The following TMC6 variants were observed in gnomAD, a reference collection of about 807,000 sequenced individuals.
TMC6 encodes the protein transmembrane channel-like protein 6.
TMC6 carries 71 observed loss-of-function variants against 95.4 expected under a neutral mutation model. That is an observed-to-expected ratio of 0.74 (90% CI 0.61 to 0.91). TMC6 has a LOEUF of 0.91. TMC6 is among the 40% of genes least tolerant of loss of function. TMC6 has a pLI of 0.00. For missense variants in TMC6, 1,074 were observed against 1,079.1 expected (o/e 1.00, Z 0.07); for synonymous variants, 514 against 483.1 (o/e 1.06, Z -0.84).
intron 19 of TMC6, 67 bp from the exon 20 acceptor site, chr17:78,113,278 C>T: frequency 6.7e-7 from 1 of 1,501,922 alleles, no homozygotes; most frequent in East Asian, 2.5e-5. Flanking sequence ...TGGCTGGGCG[C>T]AGCCAAGGCC....
At chr17:78,127,015 T>G (rs1395682139) in intron 1 of TMC6, 109 bp from the exon 2 acceptor site, 4 of 693,404 alleles carry the variant, frequency 5.8e-6, no homozygotes, top group Non-Finnish European at 1.0e-5. Flanking sequence ...GCCCAGACAG[T>G]CCCGCCCACC....
chr17:78,119,816 TA>T, intron 13 of TMC6: 1 of 370,662 alleles, frequency 2.7e-6, no homozygotes, highest in South Asian at 2.2e-5. Flanking sequence ...TATTTATTTT[TA>T]TTTTTATTTC....
At chr17:78,119,177 C>G in intron 14 of TMC6, 120 bp downstream of exon 14, 1 of 1,512,568 alleles carries the variant, frequency 6.6e-7, no homozygotes, top group Non-Finnish European at 9.2e-7. Flanking sequence ...GTCTGCATCA[C>G]TCCAGGGTCC....
rs2073780865 is a variant in TMC6, at chr17:78,109,474, T to G, written c.*3674A>C. On this transcript the variant is annotated 3_prime_UTR_variant, in exon 20 of 20. Coordinates refer to ENST00000590602, the MANE Select transcript of TMC6 (RefSeq NM_001127198.5). ...AGGACTGGCCCCTGAACAGCACAAGTGTAGTATGCCTGGGCCCCAGGTCAT... is the reference window on the plus strand; with the variant it reads ...AGGACTGGCCCCTGAACAGCACAAGGGTAGTATGCCTGGGCCCCAGGTCAT... 1 of 456,114 alleles carries G rather than the reference T, an allele frequency of 2.2e-6. No homozygotes were observed. Among genetic ancestry groups the G allele is most frequent in the African/African-American group, 2.0e-5 (1 of 49,878 alleles). 28.3% of individuals were successfully genotyped at this position (456,114 alleles called of 1,614,324 possible). A position where few individuals can be genotyped will look rare whatever the true frequency, so the allele number is the denominator to read the frequency against.
At position 78,117,268 on chromosome 17, in the gene TMC6, C is replaced by A; in HGVS notation, c.2277+1G>T. 6.2e-7 allele frequency: 1 copy of A among 1,613,460 alleles called. No individual in the cohort carries two copies. Among genetic ancestry groups the A allele is most frequent in the Non-Finnish European group, 8.5e-7 (1 of 1,179,970 alleles). ...GAGAGCAGCCCAGGAGGGGCACTCA[C>A]ATTGCTGATCTGCTCCTTGAGCAGG... On this transcript the variant is annotated splice_donor_variant, in intron 18 of 19. Transcript: ENST00000590602. LOFTEE classifies it high-confidence loss of function.
Position 78,109,408 on chromosome 17 carries a change from A to G in TMC6, c.*3740T>C, listed in dbSNP as rs1348144732. On this transcript the variant is annotated 3_prime_UTR_variant, in exon 20 of 20. Coordinates refer to ENST00000590602, the MANE Select transcript of TMC6 (RefSeq NM_001127198.5). Reference sequence around the variant, plus strand: ...ACAAAGCTGCTTAGCTCTGCATATCAGTGCTTCTCGGCGGAGCTGTGGCTG... The same window carrying G: ...ACAAAGCTGCTTAGCTCTGCATATCGGTGCTTCTCGGCGGAGCTGTGGCTG... The G allele has an allele frequency of 2.4e-5, 11 of 455,958 alleles. No individual in the cohort carries two copies. The highest frequency in any genetic ancestry group is 4.0e-5 in the Non-Finnish European group (9 of 226,742). The allele number at this position is 455,958 out of a possible 1,614,324, so 28.2% of individuals were successfully genotyped here. A position where few individuals can be genotyped will look rare whatever the true frequency, so the allele number is the denominator to read the frequency against.
At position 78,108,916 on chromosome 17, in the gene TMC6, C is replaced by A. The variant is rs2073765086; in HGVS notation, c.*4232G>T. ...AGTGCAGTGATGTAATCTCGGCTCA[C>A]TGCAACCTTGACCTCAAGGTTAAGC... is the stretch of plus-strand genomic sequence containing the variant. On this transcript the variant is annotated 3_prime_UTR_variant, in exon 20 of 20. Transcript: ENST00000590602. 6.4e-6 allele frequency: 1 copy of A among 156,078 alleles called. No individual in the cohort carries two copies. The highest frequency in any genetic ancestry group is 1.4e-5 in the Non-Finnish European group (1 of 70,136). The allele number at this position is 156,078 out of a possible 1,614,324, so 9.7% of individuals were successfully genotyped here. A position where few individuals can be genotyped will look rare whatever the true frequency, so the allele number is the denominator to read the frequency against.
chr17:78,120,771 C>A lies in TMC6; in HGVS notation c.1597G>T (p.Val533Leu). Reference protein sequence around the residue: ...TLCYHWLGRRVGVLQGQCWED... With the variant: ...TLCYHWLGRRLGVLQGQCWED... ...CAGCACTGGCCCTGCAGGACGCCCACCCTGCGGCCCAGCCAGTGGTAGCAC... is the reference window on the plus strand; with the variant it reads ...CAGCACTGGCCCTGCAGGACGCCCAACCTGCGGCCCAGCCAGTGGTAGCAC... The change falls in exon 13 of 20, where the codon GTG becomes TTG. Residue 533 changes from valine (V) to leucine (L), a missense_variant. Physicochemically the swap from Val to Leu is conservative, Grantham distance 32. Coordinates refer to ENST00000590602, the MANE Select transcript of TMC6 (RefSeq NM_001127198.5). 1 of 1,613,390 alleles carries A rather than the reference C, an allele frequency of 6.2e-7. No individual in the cohort carries two copies. Among genetic ancestry groups the A allele is most frequent in the African/African-American group, 1.3e-5 (1 of 75,050 alleles).
chr17:78,126,235 C>G (rs1373393845), intron 4 of TMC6, 42 bp downstream of exon 4: 1 of 1,539,178 alleles, frequency 6.5e-7, no homozygotes, highest in East Asian at 2.4e-5. Flanking sequence ...CTGGGGTCAA[C>G]TCGGGGCCGG....
intron 1 of TMC6, among the ~76,000 whole-genome samples, chr17:78,127,400 G>A (rs2074774227): frequency 6.6e-6 from 1 of 152,112 alleles, no homozygotes. Context: ...AAGCAGCACA[G>A]GGGGCTCCTC....
intron 15 of TMC6, 69 bp downstream of exon 15, chr17:78,118,902 C>G (rs556586979): frequency 9.9e-6 from 15 of 1,508,194 alleles, no homozygotes; most frequent in Middle Eastern, 2.1e-4. Flanking sequence ...AGGCTCTGCC[C>G]AGCTGAGTCC....
chr17:78,128,456 G>A lies in TMC6; in HGVS notation c.-75+156C>T, dbSNP rs1417036260. 6.6e-6 allele frequency among the ~76,000 whole-genome samples: 1 copy of A among 152,158 alleles called. No homozygotes were observed. Among genetic ancestry groups the A allele is most frequent in the African/African-American group, 2.4e-5 (1 of 41,430 alleles). On this transcript the variant is annotated intron_variant, in intron 1 of 19. Transcript: ENST00000590602. The surrounding 1 kb of genome is among the most constrained non-coding windows in gnomAD (Gnocchi z 4.0). Reference sequence around the variant, plus strand: ...CTCCCAGCTCTGTCCGAGCCGGAGGGTCAAGCCCTGGGAGCTCCAGGAGCA... The same window carrying A: ...CTCCCAGCTCTGTCCGAGCCGGAGGATCAAGCCCTGGGAGCTCCAGGAGCA...
chr17:78,113,786 A>T, intron 18 of TMC6, 162 bp from the exon 19 acceptor site: 1 of 737,260 alleles, frequency 1.4e-6, no homozygotes, highest in South Asian at 1.5e-5. Flanking sequence ...AACAAGGACA[A>T]GGAAAAACCA....
Position 78,112,715 on chromosome 17 carries a change from GGCGC to G in TMC6, c.*429_*432del, listed in dbSNP as rs1329278771. The G allele has an allele frequency of 4.1e-6, 1 of 246,338 alleles. No individual in the cohort carries two copies. The highest frequency in any genetic ancestry group is 8.0e-6 in the Non-Finnish European group (1 of 124,864). 15.3% of individuals were successfully genotyped at this position (246,338 alleles called of 1,614,324 possible). A position where few individuals can be genotyped will look rare whatever the true frequency, so the allele number is the denominator to read the frequency against. Reference sequence around the variant, plus strand: ...CTTGTGCAGGTGTAAGCCCCTCCTGGGCGCGAGTTCAGGCTGGTCAAAGGCAGCA... The same window carrying G: ...CTTGTGCAGGTGTAAGCCCCTCCTGGGAGTTCAGGCTGGTCAAAGGCAGCA... On this transcript the variant is annotated 3_prime_UTR_variant, in exon 20 of 20. Coordinates refer to ENST00000590602, the MANE Select transcript of TMC6 (RefSeq NM_001127198.5).
Position 78,121,149 on chromosome 17 carries a change from C to A in TMC6, c.1399G>T (p.Gly467Cys), listed in dbSNP as rs1371722948. The A allele has an allele frequency of 1.3e-6, 2 of 1,597,594 alleles. No individual in the cohort carries two copies. The highest frequency in any genetic ancestry group is 1.1e-5 in the South Asian group (1 of 89,574). The stretch of plus-strand genomic sequence containing the variant: ...AGGACCAGCAGCACAGCCTCCTGGC[C>A]AGCAGCCTCTGGACTCTGCAGGGGT... ...EFMIQSPEAA[G>C]QEAVLLVLPL... The change falls in exon 12 of 20, where the codon GGC becomes TGC. Residue 467 changes from glycine to cysteine, a missense_variant. Physicochemically the swap from Gly to Cys is radical, Grantham distance 159. Coordinates refer to ENST00000590602, the MANE Select transcript of TMC6 (RefSeq NM_001127198.5). This position sits in a 1 kb window ranked among gnomAD's most constrained non-coding sequence, Gnocchi z 5.6.
chr17:78,132,208 C>A (rs779375758), upstream of TMC6: 6 of 1,368,670 alleles, frequency 4.4e-6, no homozygotes, highest in African/African-American at 5.7e-5. Flanking sequence ...CCACGCAGCA[C>A]CCCCAGGTGA....
rs2074632788 is a variant in TMC6, at chr17:78,125,040, C to T, written c.537-55G>A. The stretch of plus-strand genomic sequence containing the variant: ...GACCAATGAGGGGCCTGACTCTCTC[C>T]TTCCTGGAGACCGGCCACCCACGGG... On this transcript the variant is annotated intron_variant, in intron 6 of 19. Coordinates refer to ENST00000590602, the MANE Select transcript of TMC6 (RefSeq NM_001127198.5). 3 of 1,544,836 alleles carry T rather than the reference C, an allele frequency of 1.9e-6. No homozygotes were observed. In the East Asian group the frequency reaches 7.2e-5, roughly 37 times the overall value.
At chr17:78,118,128 C>A in intron 15 of TMC6, 193 bp from the exon 16 acceptor site, 1 of 915,794 alleles carries the variant, frequency 1.1e-6, no homozygotes, top group Non-Finnish European at 1.6e-6. Flanking sequence ...CGGGTGATGC[C>A]AACAGCACCT....
chr17:78,120,152 C>CTTTTT (rs35789255), intron 13 of TMC6: 112 of 151,410 alleles, frequency 7.4e-4, no homozygotes, highest in Middle Eastern at 2.5e-3. Flanking sequence ...ATACACGTTA[C>CTTTTT]TTTTTTTTTT....
Sources: gnomAD v4.1 joint callset for allele counts (sites outside exome capture counted in the v4.1 genomes callset) on GRCh38, gnomAD v4.1.1 for gene constraint, Gnocchi (gnomAD v3.1) non-coding constraint, MANE v1.5 for transcripts, NCBI Gene and HGNC (gene_info 2026-07-23, HGNC 2026-07-21) for gene names.